The following PLCB1 variants were observed in gnomAD, a reference collection of about 807,000 sequenced individuals.
PLCB1 encodes the protein 1-phosphatidylinositol 4,5-bisphosphate phosphodiesterase beta-1.
In PLCB1, 46 loss-of-function variants were observed where a neutral mutation model predicts 161.8. The ratio of observed to expected loss-of-function variants is 0.28; its 90% CI spans 0.22 to 0.36. PLCB1 has a LOEUF of 0.36. Ranked by LOEUF, PLCB1 falls within the 10% of genes least tolerant of loss-of-function variation. PLCB1 has a pLI of 1.00. For missense variants in PLCB1, 1,016 were observed against 1,472.5 expected (o/e 0.69, Z 5.07); for synonymous variants, 517 against 503.7 (o/e 1.03, Z -0.35).
At chr20:8,691,711 A>C (rs1005778553) in intron 10 of PLCB1, among the ~76,000 whole-genome samples, 1 of 152,332 alleles carries the variant, frequency 6.6e-6, no homozygotes, top group South Asian at 2.1e-4. Flanking sequence ...TTAGCAATGC[A>C]TTATTATTAT....
rs77094010 is a variant in PLCB1 at position 8,170,612 on chromosome 20, G to A, written c.177+20241G>A. On this transcript the variant is annotated intron_variant, in intron 2 of 31. Coordinates refer to ENST00000338037, the MANE Select transcript of PLCB1 (RefSeq NM_015192.4). ...CTTATTTGGTTTCTGCTTTTTGACCGAGAAGAAGCATATTATATTGAAAGG... is the reference window on the plus strand; with the variant it reads ...CTTATTTGGTTTCTGCTTTTTGACCAAGAAGAAGCATATTATATTGAAAGG... 5.8e-3 allele frequency among the ~76,000 whole-genome samples: 884 copies of A among 152,192 alleles called. 12 individuals are homozygous for A. Among genetic ancestry groups the A allele is most frequent in the African/African-American group, 0.02 (834 of 41,510 alleles).
At chr20:8,711,801 GCA>G (rs1979032478) in intron 12 of PLCB1, among the ~76,000 whole-genome samples, 1 of 151,668 alleles carries the variant, frequency 6.6e-6, no homozygotes, top group Non-Finnish European at 1.5e-5. Flanking sequence ...GGCAGTAGCA[GCA>G]CTCTTTCCCA....
At chr20:8,788,822 T>G (rs1293093941) in intron 29 of PLCB1, 100 bp downstream of exon 29, 1 of 735,824 alleles carries the variant, frequency 1.4e-6, no homozygotes, top group Non-Finnish European at 2.2e-6. Context: ...GACTCCTTCG[T>G]GAAGTTTCTC....
chr20:8,281,661 T>C (rs1392943964), intron 2 of PLCB1, among the ~76,000 whole-genome samples: 1 of 152,224 alleles, frequency 6.6e-6, no homozygotes, highest in Non-Finnish European at 1.5e-5. Flanking sequence ...TGTTATTTTC[T>C]TGGTATGGTT....
At chr20:8,509,631 TG>T (rs1413375512) in intron 3 of PLCB1, among the ~76,000 whole-genome samples, 5 of 151,774 alleles carry the variant, frequency 3.3e-5, no homozygotes, top group African/African-American at 1.2e-4. Flanking sequence ...ATTTAAAATG[TG>T]AAAAAAGAGA....
intron 4 of PLCB1, among the ~76,000 whole-genome samples, chr20:8,630,517 G>C (rs975203663): frequency 2.0e-5 from 3 of 152,048 alleles, no homozygotes; most frequent in East Asian, 1.9e-4. Context: ...TATTTCTATA[G>C]TATCATTTAT....
intron 2 of PLCB1, among the ~76,000 whole-genome samples, chr20:8,282,932 T>TCCATCCCACA: frequency 6.6e-6 from 1 of 151,700 alleles, no homozygotes; most frequent in African/African-American, 2.4e-5. Context: ...AGAGTTTATT[T>TCCATCCCACA]CTACTCTGAG....
At chr20:8,628,081 T>C (rs1313368504) in intron 3 of PLCB1, among the ~76,000 whole-genome samples, 1 of 152,230 alleles carries the variant, frequency 6.6e-6, no homozygotes, top group East Asian at 1.9e-4. Context: ...GGCTATAGTC[T>C]TGAGCCAGAA....
At chr20:8,715,977 G>A (rs545888488) in intron 12 of PLCB1, 146 of 345,148 alleles carry the variant, frequency 4.2e-4, no homozygotes, top group African/African-American at 2.9e-3. Context: ...TCTAACTCTG[G>A]GAATTTCAAG....
intron 3 of PLCB1, among the ~76,000 whole-genome samples, chr20:8,609,275 G>A (rs905536673): frequency 1.3e-5 from 2 of 152,132 alleles, no homozygotes; most frequent in Non-Finnish European, 2.9e-5. Context: ...ATTGACTTAT[G>A]TCATAACTAT....
chr20:8,732,621 T>C (rs1049626428), intron 18 of PLCB1, among the ~76,000 whole-genome samples: 1 of 135,892 alleles, frequency 7.4e-6, no homozygotes, highest in African/African-American at 2.6e-5. Context: ...AAATTAGATA[T>C]TAGAATTAGA....
intron 3 of PLCB1, among the ~76,000 whole-genome samples, chr20:8,519,488 C>G (rs1048851137): frequency 6.6e-6 from 1 of 152,114 alleles, no homozygotes; most frequent in Non-Finnish European, 1.5e-5. Flanking sequence ...TCTCCCAGAA[C>G]AAAGCCCTCT....
At chr20:8,342,531 A>C (rs757959208) in intron 2 of PLCB1, among the ~76,000 whole-genome samples, 1 of 152,162 alleles carries the variant, frequency 6.6e-6, no homozygotes. Flanking sequence ...GTTCAGTTCC[A>C]TCTCCAGGAT....
intron 3 of PLCB1, among the ~76,000 whole-genome samples, chr20:8,564,028 A>C (rs1212742164): frequency 6.6e-6 from 1 of 152,084 alleles, no homozygotes; most frequent in Non-Finnish European, 1.5e-5. Context: ...AAAAGAGCCC[A>C]CGTAGCCAAG....
chr20:8,353,748 A>C lies in PLCB1; in HGVS notation c.178-17634A>C, dbSNP rs189742237. 2.0e-5 allele frequency among the ~76,000 whole-genome samples: 3 copies of C among 152,250 alleles called. No individual in the cohort carries two copies. The East Asian group carries it at 5.8e-4, about 29-fold the overall frequency. ...ATCAAAAGCAAGGAATGCCAAAGAG[A>C]CACCCTAAGATGACAGGTGGACTAA... On this transcript the variant is annotated intron_variant, in intron 2 of 31. Transcript: ENST00000338037.
chr20:8,444,939 G>A (rs1373498526), intron 3 of PLCB1, among the ~76,000 whole-genome samples: 1 of 151,878 alleles, frequency 6.6e-6, no homozygotes, highest in Admixed American at 6.6e-5. Context: ...GTAGATTCTG[G>A]ATATTAGCCC....
At chr20:8,531,213 A>G (rs1441466678) in intron 3 of PLCB1, among the ~76,000 whole-genome samples, 1 of 152,074 alleles carries the variant, frequency 6.6e-6, no homozygotes, top group Non-Finnish European at 1.5e-5. Context: ...AATTATTCAG[A>G]CCCATGTAAC....
intron 2 of PLCB1, among the ~76,000 whole-genome samples, chr20:8,186,136 CT>C (rs2051902624): frequency 6.6e-6 from 1 of 152,088 alleles, no homozygotes; most frequent in Non-Finnish European, 1.5e-5. Context: ...ATGGTTTATA[CT>C]TTCTGATTTT....
intron 23 of PLCB1, chr20:8,750,793 G>T: frequency 7.6e-7 from 1 of 1,319,782 alleles, no homozygotes; most frequent in Non-Finnish European, 1.0e-6. Context: ...GACAATATTT[G>T]TCCTGAGTAG....
Sources: allele counts gnomAD v4.1 joint callset (sites outside exome capture counted in the v4.1 genomes callset), GRCh38; gene constraint gnomAD v4.1.1; transcripts MANE v1.5; gene names NCBI Gene and HGNC (gene_info 2026-07-23, HGNC 2026-07-21).